Variants in KHDRBS3 observed in about 807,000 individuals in gnomAD.
The protein encoded by KHDRBS3 is KH domain-containing, RNA-binding, signal transduction-associated protein 3.
KHDRBS3 carries 23 observed loss-of-function variants against 45.6 expected under a neutral mutation model. The observed-to-expected ratio is 0.50, with a 90% CI of 0.36 to 0.72. KHDRBS3 has a LOEUF of 0.72. KHDRBS3 is among the 30% of genes least tolerant of loss of function. The pLI, the probability that KHDRBS3 is intolerant of heterozygous loss-of-function variation, is 0.00. For missense variants in KHDRBS3, 352 were observed against 424.8 expected (o/e 0.83, Z 1.51); for synonymous variants, 162 against 156.5 (o/e 1.04, Z -0.26).
At position 135,542,722 on chromosome 8, in the gene KHDRBS3, G is replaced by C. The variant is rs1365598260; in HGVS notation, c.276G>C (p.Leu92Phe). The C allele has an allele frequency of 6.2e-7, 1 of 1,613,656 alleles. No individual in the cohort carries two copies. The highest frequency in any genetic ancestry group is 8.5e-7 in the Non-Finnish European group (1 of 1,179,766). The change falls in exon 3 of 9, where the codon TTG becomes TTC. Residue 92 changes from leucine (L) to phenylalanine (F), a missense_variant. Coordinates refer to ENST00000355849, the MANE Select transcript of KHDRBS3 (RefSeq NM_006558.3). ...NSLKRLQEETLTKMSILGKGS... is the reference protein window; with the variant it reads ...NSLKRLQEETFTKMSILGKGS... ...TGAAGCGTTTACAAGAAGAAACCTT[G>C]ACAAAAATGTCCATCCTTGGGAAAG... is the stretch of plus-strand genomic sequence containing the variant.
intron 7 of KHDRBS3, among the ~76,000 whole-genome samples, chr8:135,610,843 G>A (rs548255259): frequency 6.6e-6 from 1 of 151,952 alleles, no homozygotes; most frequent in African/African-American, 2.4e-5. Context: ...GCACACAGGA[G>A]CTGTGGGGAG....
intron 5 of KHDRBS3, among the ~76,000 whole-genome samples, chr8:135,579,371 C>T (rs1413231430): frequency 6.6e-6 from 1 of 152,152 alleles, no homozygotes; most frequent in African/African-American, 2.4e-5. Flanking sequence ...CTCGCTCTGT[C>T]ACCCAGGCTG....
chr8:135,648,492 G>A (rs984577100), downstream of KHDRBS3: 18 of 151,912 alleles, frequency 1.2e-4, no homozygotes, highest in African/African-American at 3.9e-4. Flanking sequence ...ATTTCTTGGG[G>A]GATTTTTTTC....
intron 5 of KHDRBS3, among the ~76,000 whole-genome samples, chr8:135,568,946 T>C (rs1271613752): frequency 6.6e-6 from 1 of 152,216 alleles, no homozygotes; most frequent in Non-Finnish European, 1.5e-5. Context: ...TGAAGAACCA[T>C]GTTAAAATCT....
At chr8:135,602,737 C>G (rs1348008335) in intron 6 of KHDRBS3, among the ~76,000 whole-genome samples, 2 of 152,162 alleles carry the variant, frequency 1.3e-5, no homozygotes, top group African/African-American at 2.4e-5. Flanking sequence ...GACCTGGTTG[C>G]AAGTCTCAAC....
chr8:135,544,218 G>A (rs1826180263), intron 3 of KHDRBS3, among the ~76,000 whole-genome samples: 1 of 152,130 alleles, frequency 6.6e-6, no homozygotes, highest in African/African-American at 2.4e-5. Context: ...CACTTATTTA[G>A]TTTGTTGTTA....
chr8:135,601,568 G>C (rs2131004670), intron 6 of KHDRBS3, among the ~76,000 whole-genome samples: 1 of 152,326 alleles, frequency 6.6e-6, no homozygotes, highest in African/African-American at 2.4e-5. Flanking sequence ...CTGACATGTA[G>C]ACTGGGGCTT....
chr8:135,603,260 A>C (rs1829298892), intron 6 of KHDRBS3, among the ~76,000 whole-genome samples: 1 of 152,244 alleles, frequency 6.6e-6, no homozygotes, highest in Non-Finnish European at 1.5e-5. Context: ...CATGGTGTCT[A>C]GCAGAGTGCC....
rs1828228082 is a variant in KHDRBS3 at position 135,581,893 on chromosome 8, T to A, written c.627T>A (p.Val209=). ...APAITRGRGG[V]TARPVGVVVP... is the part of the protein sequence containing the mutation. The stretch of plus-strand genomic sequence containing the variant: ...TTGGTTACAGGGGAAGGGGAGGAGT[T>A]ACAGCCCGGCCAGTTGGAGTTGTAG... The change falls in exon 6 of 9, where the codon GTT becomes GTA. Residue 209 remains valine (V), a synonymous_variant. Coordinates refer to ENST00000355849, the MANE Select transcript of KHDRBS3 (RefSeq NM_006558.3). The A allele has an allele frequency of 6.2e-7, 1 of 1,600,114 alleles. No individual in the cohort carries two copies.
chr8:135,483,496 C>T (rs905964219), intron 1 of KHDRBS3, among the ~76,000 whole-genome samples: 6 of 152,108 alleles, frequency 3.9e-5, no homozygotes, highest in South Asian at 2.1e-4. Context: ...TTCTGCCCTT[C>T]GGAATCTGAA....
chr8:135,623,581 T>TC (rs899254671), intron 7 of KHDRBS3, among the ~76,000 whole-genome samples: 6 of 151,902 alleles, frequency 3.9e-5, no homozygotes, highest in African/African-American at 1.4e-4. Context: ...TTTTTTTTTT[T>TC]CTCTCTTGAA....
chr8:135,489,568 C>A (rs564384610), intron 1 of KHDRBS3, among the ~76,000 whole-genome samples: 3 of 152,148 alleles, frequency 2.0e-5, no homozygotes, highest in African/African-American at 7.2e-5. Context: ...GTCCCAGCTA[C>A]TCAGGAGGCT....
chr8:135,629,466 A>G (rs4336642), intron 7 of KHDRBS3, among the ~76,000 whole-genome samples: 1,963 of 152,288 alleles, frequency 0.013, 32 homozygotes, highest in African/African-American at 0.046. Context: ...AGCACCTTTT[A>G]TGTCTGAAAC....
intron 1 of KHDRBS3, chr8:135,458,840 C>A (rs759987436): frequency 8.8e-6 from 4 of 455,592 alleles, no homozygotes; most frequent in Non-Finnish European, 1.8e-5. Context: ...TCTGGAGGCA[C>A]GCCTACCCGG....
chr8:135,506,453 G>C (rs998692447), intron 1 of KHDRBS3, among the ~76,000 whole-genome samples: 2 of 150,822 alleles, frequency 1.3e-5, no homozygotes, highest in Non-Finnish European at 2.9e-5. Context: ...GCCCAGGCTG[G>C]AGTGTAGTGG....
chr8:135,643,605 C>T (rs533774352), intron 7 of KHDRBS3, among the ~76,000 whole-genome samples: 3 of 152,222 alleles, frequency 2.0e-5, no homozygotes, highest in Non-Finnish European at 4.4e-5. Flanking sequence ...ATTGCTTACA[C>T]TTTTCTCATA....
chr8:135,582,200 G>T, intron 6 of KHDRBS3, 127 bp downstream of exon 6: 1 of 939,396 alleles, frequency 1.1e-6, no homozygotes, highest in South Asian at 3.3e-5. Context: ...CTTTGTTTCA[G>T]CAAATATTTA....
intron 6 of KHDRBS3, among the ~76,000 whole-genome samples, chr8:135,602,648 G>A (rs952726301): frequency 3.3e-5 from 5 of 151,892 alleles, no homozygotes; most frequent in African/African-American, 9.7e-5. Context: ...ATTCTTTGAA[G>A]AAGCATATTC....
At chr8:135,517,179 A>G (rs572531011) in intron 1 of KHDRBS3, among the ~76,000 whole-genome samples, 1 of 152,344 alleles carries the variant, frequency 6.6e-6, no homozygotes, top group East Asian at 1.9e-4. Context: ...CCCCTACATT[A>G]TCTAAAACCT....
Sources: gnomAD v4.1 joint callset for allele counts (sites outside exome capture counted in the v4.1 genomes callset) on GRCh38, gnomAD v4.1.1 for gene constraint, MANE v1.5 for transcripts, NCBI Gene and HGNC (gene_info 2026-07-23, HGNC 2026-07-21) for gene names.